ROS1: variants seen among roughly 807,000 people sequenced by gnomAD.
ROS1 encodes the protein proto-oncogene tyrosine-protein kinase ROS.
In ROS1, 263 loss-of-function variants were observed where a neutral mutation model predicts 273.5. That is an observed-to-expected ratio of 0.96 (90% CI 0.87 to 1.06). ROS1 has a LOEUF of 1.06. Among genes scored for constraint, ROS1 ranks in the 50% least tolerant of loss-of-function variants. The pLI, the probability that ROS1 is intolerant of heterozygous loss-of-function variation, is 0.00. For missense variants in ROS1, 2,833 were observed against 2,751.1 expected (o/e 1.03, Z -0.67); for synonymous variants, 1,008 against 954.1 (o/e 1.06, Z -1.04).
chr6:117,318,279 A>G, intron 37 of ROS1, 27 bp from the exon 38 acceptor site: 1 of 1,565,982 alleles, frequency 6.4e-7, no homozygotes, highest in Non-Finnish European at 8.8e-7. Context: ...CAAGTCAGGA[A>G]TCAGTATAGC....
intron 8 of ROS1, 129 bp downstream of exon 8, chr6:117,396,786 A>G: frequency 1.4e-6 from 1 of 708,008 alleles, no homozygotes; most frequent in Non-Finnish European, 2.4e-6. Context: ...AATGACTTCA[A>G]CCCAACACCA....
In ROS1 at chr6:117,393,643, C is replaced by T. The variant is rs567937339; in HGVS notation, c.1192-322G>A. Among the ~76,000 whole-genome samples the T allele has an allele frequency of 3.0e-4, 46 of 152,220 alleles. No individual in the cohort carries two copies. In the South Asian group the frequency reaches 3.1e-3, roughly 10 times the overall value. On this transcript the variant is annotated intron_variant, in intron 11 of 43. Transcript: ENST00000368507. ...ATGGCTGTTGCTTACTGTGATAAGC[C>T]TGTACCTTCCAAAGAAGTAGAATTT... is the stretch of plus-strand genomic sequence containing the variant.
At position 117,394,285 on chromosome 6, in the gene ROS1, C is replaced by T. The variant is rs754452192; in HGVS notation, c.1068G>A (p.Ala356=). Residue 356 remains alanine (A), a synonymous_variant, in exon 11 of 44, where the codon GCG becomes GCA. Coordinates refer to ENST00000368507, the MANE Select transcript of ROS1 (RefSeq NM_001378902.1). ...CATCAGACATGTTGGCAGCCTTCTT[C>T]GCCCATATGAGAGTTCCTTCAGAGA... ...VYFSEGTLIW[A]KKAANMSDVS... The T allele has an allele frequency of 1.5e-5, 24 of 1,609,750 alleles. No individual in the cohort carries two copies. The East Asian group carries it at 2.7e-4, about 18-fold the overall frequency.
At chr6:117,365,241 G>A in intron 20 of ROS1, 37 bp from the exon 21 acceptor site, 4 of 1,524,658 alleles carry the variant, frequency 2.6e-6, no homozygotes, top group Non-Finnish European at 3.6e-6. Context: ...TTCTCAGGGA[G>A]AGAATTATAA....
chr6:117,317,050 T>G, intron 39 of ROS1, 93 bp downstream of exon 39: 1 of 1,309,298 alleles, frequency 7.6e-7, no homozygotes, highest in African/African-American at 1.5e-5. Context: ...TCTAAGGTTT[T>G]ACCACTGCAG....
At chr6:117,317,030 A>G in intron 39 of ROS1, 113 bp downstream of exon 39, 1 of 1,093,734 alleles carries the variant, frequency 9.1e-7, no homozygotes, top group East Asian at 2.5e-5. Flanking sequence ...AATTCTTTCC[A>G]TGTAAGTCTT....
chr6:117,387,378 T>A (rs564760818), intron 14 of ROS1, among the ~76,000 whole-genome samples: 2 of 152,332 alleles, frequency 1.3e-5, no homozygotes, highest in South Asian at 4.1e-4. Context: ...GGTATAGTCA[T>A]CCTTCCATTT....
chr6:117,398,678 C>CAAAAAAAAAAAAAAAAAAA (rs58864302), intron 7 of ROS1, among the ~76,000 whole-genome samples: 1 of 59,440 alleles, frequency 1.7e-5, no homozygotes, highest in Non-Finnish European at 3.6e-5. Context: ...GACCTTGTCT[C>CAAAAAAAAAAAAAAAAAAA]AAAAAAAAAA....
At chr6:117,355,917 T>G (rs535405005) in intron 26 of ROS1, among the ~76,000 whole-genome samples, 1 of 152,272 alleles carries the variant, frequency 6.6e-6, no homozygotes, top group Non-Finnish European at 1.5e-5. Flanking sequence ...GGCCTTAATT[T>G]CAATTAATTT....
At position 117,389,932 on chromosome 6, in the gene ROS1, A is replaced by G. The variant is rs186980713; in HGVS notation, c.1290-86T>C. On this transcript the variant is annotated intron_variant, in intron 12 of 43. Transcript: ENST00000368507. ...TCAGCTAATTGCTTCATTCTGTTGCACAATCAGAACTATGTATCTCTGATG... is the reference window on the plus strand; with the variant it reads ...TCAGCTAATTGCTTCATTCTGTTGCGCAATCAGAACTATGTATCTCTGATG... The G allele has an allele frequency of 6.6e-4, 784 of 1,196,498 alleles. 2 individuals carry two copies. The African/African-American group carries it at 9.3e-3, about 14-fold the overall frequency. 74.1% of individuals were successfully genotyped at this position (1,196,498 alleles called of 1,614,324 possible). A position where few individuals can be genotyped will look rare whatever the true frequency, so the allele number is the denominator to read the frequency against.
In ROS1 at chr6:117,386,957, A is replaced by G; in HGVS notation, c.2042T>C (p.Leu681Pro). The G allele has an allele frequency of 6.2e-7, 1 of 1,613,116 alleles. No individual in the cohort carries two copies. The highest frequency in any genetic ancestry group is 1.1e-5 in the South Asian group (1 of 91,004). The part of the protein sequence containing the change: ...PFIMAVKEDG[L>P]WSKPLNSFGP... ...AAAGCTATTTAATGGTTTACTCCAA[A>G]GCCCATCTTCTTTCACAGCCATGAT... Residue 681 changes from leucine to proline, a missense_variant, in exon 15 of 44, where the codon CTT (leucine) becomes CCT (proline). Coordinates refer to ENST00000368507, the MANE Select transcript of ROS1 (RefSeq NM_001378902.1).
At chr6:117,305,208 A>T (rs567381598) in intron 42 of ROS1, among the ~76,000 whole-genome samples, 1 of 152,276 alleles carries the variant, frequency 6.6e-6, no homozygotes, top group Non-Finnish European at 1.5e-5. Flanking sequence ...CTCCCACAAA[A>T]AAGGGCTATT....
chr6:117,422,755 A>C (rs1020507450), intron 1 of ROS1, among the ~76,000 whole-genome samples: 1 of 152,180 alleles, frequency 6.6e-6, no homozygotes, highest in Non-Finnish European at 1.5e-5. Flanking sequence ...ATAAAAGCAC[A>C]TCATGTTTGT....
intron 42 of ROS1, among the ~76,000 whole-genome samples, chr6:117,304,079 C>T (rs181953762): frequency 2.7e-3 from 404 of 152,282 alleles, no homozygotes; most frequent in African/African-American, 8.9e-3. Context: ...GATGACTTCA[C>T]ATGTATTACA....
intron 23 of ROS1, 69 bp downstream of exon 23, chr6:117,360,273 G>GACACACACAC (rs36181502): frequency 0.058 from 43,670 of 759,208 alleles, 816 homozygotes; most frequent in African/African-American, 0.12. Flanking sequence ...ACACCAATGG[G>GACACACACAC]ACACACACAC....
At chr6:117,365,479 T>A in intron 20 of ROS1, 102 bp downstream of exon 20, 1 of 997,470 alleles carries the variant, frequency 1.0e-6, no homozygotes, top group South Asian at 1.5e-5. Context: ...ACAAAGAAGA[T>A]GGGCTTGGCT....
At chr6:117,393,381 G>T in intron 11 of ROS1, 60 bp from the exon 12 acceptor site, 1 of 1,053,522 alleles carries the variant, frequency 9.5e-7, no homozygotes. Context: ...ATTAAATTCA[G>T]CCAACAAGTA....
chr6:117,396,917 G>A lies in ROS1; in HGVS notation c.804C>T (p.Tyr268=). 1 of 1,604,692 alleles carries A rather than the reference G, an allele frequency of 6.2e-7. No homozygotes were observed. The highest frequency in any genetic ancestry group is 8.5e-7 in the Non-Finnish European group (1 of 1,171,514). Residue 268 remains tyrosine, a splice_region_variant and synonymous_variant, in exon 8 of 44, where the codon TAC becomes TAT. Transcript: ENST00000368507. ...CCTCTGTATCACTTAATTCTTACCT[G>A]TAGATAGTATTTGGTAAAGTGGAGT... ...QFYSTLPNTI[Y]RFSIAAVNEV...
At chr6:117,339,141 C>T (rs1303098610) in intron 31 of ROS1, among the ~76,000 whole-genome samples, 3 of 152,016 alleles carry the variant, frequency 2.0e-5, no homozygotes, top group Non-Finnish European at 4.4e-5. Flanking sequence ...CACATGTGGC[C>T]CAGGACGACT....
Sources: allele counts gnomAD v4.1 joint callset (sites outside exome capture counted in the v4.1 genomes callset), GRCh38; gene constraint gnomAD v4.1.1; transcripts MANE v1.5; gene names NCBI Gene and HGNC (gene_info 2026-07-23, HGNC 2026-07-21).